The following STXBP5L variants were observed in gnomAD, a reference collection of about 807,000 sequenced individuals.
The protein encoded by STXBP5L is syntaxin binding protein 5L, also known as syntaxin-binding protein 5-like.
Under a neutral mutation model 144.5 loss-of-function variants are expected in STXBP5L, and 65 were observed. The ratio of observed to expected loss-of-function variants is 0.45; its 90% confidence interval spans 0.37 to 0.55. The LOEUF (loss-of-function observed/expected upper bound fraction) is 0.55, where lower values mean the gene tolerates loss of function less well. Ranked by LOEUF, STXBP5L falls within the 20% of genes least tolerant of loss-of-function variation. The probability of loss-of-function intolerance (pLI) is 0.00; values close to 1 mark genes in which losing one functional copy is unlikely to be tolerated. For synonymous variants in STXBP5L, 505 were observed against 469.6 expected, an observed-to-expected ratio of 1.08 and a Z score of -0.97; for missense variants, 1,298 against 1,405.5, an observed-to-expected ratio of 0.92 and a Z score of 1.22.
At chr3:121,410,603 A>G (rs1046694670) in intron 23 of STXBP5L, among the ~76,000 whole-genome samples, 3 of 151,972 alleles carry the variant, frequency 2.0e-5, no homozygotes, top group African/African-American at 7.2e-5. Flanking sequence ...TTTCTGATAG[A>G]TATCAGGTAG....
chr3:121,025,983 A>T (rs1214922155), intron 3 of STXBP5L, among the ~76,000 whole-genome samples: 1 of 146,424 alleles, frequency 6.8e-6, no homozygotes, highest in Non-Finnish European at 1.5e-5. Flanking sequence ...TGTTAATAAT[A>T]TATTAGTATT....
At chr3:121,330,893 TCA>T (rs1361524625) in intron 20 of STXBP5L, among the ~76,000 whole-genome samples, 2 of 152,196 alleles carry the variant, frequency 1.3e-5, no homozygotes, top group Non-Finnish European at 2.9e-5. Flanking sequence ...CCAAGGAATC[TCA>T]CAGAATCTAT....
intron 3 of STXBP5L, among the ~76,000 whole-genome samples, chr3:120,963,530 CAT>C (rs1360042319): frequency 3.9e-5 from 6 of 152,156 alleles, no homozygotes; most frequent in Admixed American, 1.3e-4. Context: ...TTGAGATAAT[CAT>C]GTGGTTTTTG....
chr3:121,217,402 A>C lies in STXBP5L; in HGVS notation c.957-5601A>C, dbSNP rs2048815919. Among the ~76,000 whole-genome samples, 3 of 152,234 alleles carry C rather than the reference A, an allele frequency of 2.0e-5. No homozygotes were observed. The South Asian group carries it at 6.2e-4, about 32-fold the overall frequency. ...GCCAGAATGCACTGTTCCTCACAGCACAGTCCCTCATGGCTTCCCTTGGCT... is the reference window on the plus strand; with the variant it reads ...GCCAGAATGCACTGTTCCTCACAGCCCAGTCCCTCATGGCTTCCCTTGGCT... On this transcript the variant is annotated intron_variant, in intron 10 of 26. Coordinates refer to ENST00000471454, the MANE Select transcript of STXBP5L (RefSeq NM_001308330.2).
At chr3:121,238,518 A>G (rs1403207476) in intron 12 of STXBP5L, among the ~76,000 whole-genome samples, 2 of 152,154 alleles carry the variant, frequency 1.3e-5, no homozygotes, top group African/African-American at 2.4e-5. Context: ...GGAGGGGACA[A>G]ACATCCAAAC....
At chr3:121,211,321 T>C (rs553021107) in intron 10 of STXBP5L, among the ~76,000 whole-genome samples, 26 of 152,306 alleles carry the variant, frequency 1.7e-4, no homozygotes, top group African/African-American at 6.3e-4. Context: ...CTTAAGGAGA[T>C]TTTGGGCTGA....
intron 19 of STXBP5L, among the ~76,000 whole-genome samples, chr3:121,280,329 A>C (rs556018213): frequency 1.4e-4 from 21 of 152,006 alleles, no homozygotes; most frequent in Admixed American, 7.2e-4. Flanking sequence ...CTTTCTTCTA[A>C]AATATCTGGT....
intron 9 of STXBP5L, among the ~76,000 whole-genome samples, chr3:121,192,307 C>G (rs2047728184): frequency 6.6e-6 from 1 of 152,048 alleles, no homozygotes; most frequent in Non-Finnish European, 1.5e-5. Context: ...AACCACTGCT[C>G]TAGGAAATAA....
chr3:120,946,157 G>C (rs1710846531), intron 2 of STXBP5L, among the ~76,000 whole-genome samples: 1 of 151,718 alleles, frequency 6.6e-6, no homozygotes, highest in South Asian at 2.1e-4. Context: ...TATGTATTAG[G>C]ATGCAAGTTA....
At chr3:120,931,776 A>G (rs1252682113) in intron 2 of STXBP5L, among the ~76,000 whole-genome samples, 4 of 152,190 alleles carry the variant, frequency 2.6e-5, no homozygotes, top group Non-Finnish European at 4.4e-5. Context: ...GTCAAACCAC[A>G]ATCTCTGCAA....
chr3:121,307,486 A>T (rs2043376996), intron 19 of STXBP5L, among the ~76,000 whole-genome samples: 1 of 152,224 alleles, frequency 6.6e-6, no homozygotes, highest in South Asian at 2.1e-4. Context: ...AGTTACAAAA[A>T]GAACCAAATG....
chr3:121,071,893 G>C (rs752300045), intron 5 of STXBP5L, among the ~76,000 whole-genome samples: 3 of 152,178 alleles, frequency 2.0e-5, no homozygotes, highest in Non-Finnish European at 4.4e-5. Context: ...AGTTACTTTA[G>C]TAGGGGTTTA....
intron 21 of STXBP5L, among the ~76,000 whole-genome samples, chr3:121,379,262 GTCAA>G (rs1435300789): frequency 1.3e-5 from 2 of 151,968 alleles, no homozygotes; most frequent in Admixed American, 6.6e-5. Flanking sequence ...TTCCTCAATT[GTCAA>G]ATGAATGTGA....
At chr3:121,005,128 A>T (rs1944168338) in intron 3 of STXBP5L, among the ~76,000 whole-genome samples, 1 of 152,188 alleles carries the variant, frequency 6.6e-6, no homozygotes, top group Non-Finnish European at 1.5e-5. Context: ...AAGGAATGTT[A>T]CCAGCTCCTC....
intron 3 of STXBP5L, among the ~76,000 whole-genome samples, chr3:121,009,161 TGA>T (rs1309390228): frequency 6.6e-6 from 1 of 152,012 alleles, no homozygotes; most frequent in Non-Finnish European, 1.5e-5. Flanking sequence ...AGACAATGGC[TGA>T]CTTATCTTCA....
intron 9 of STXBP5L, among the ~76,000 whole-genome samples, chr3:121,204,494 C>A (rs968710425): frequency 3.9e-5 from 6 of 152,062 alleles, no homozygotes; most frequent in African/African-American, 1.2e-4. Context: ...TAATTCCTTG[C>A]CCTTTAAACA....
At chr3:121,046,560 A>T (rs1947529524) in intron 5 of STXBP5L, among the ~76,000 whole-genome samples, 1 of 151,936 alleles carries the variant, frequency 6.6e-6, no homozygotes, top group African/African-American at 2.4e-5. Flanking sequence ...CTGTCCAGGG[A>T]TTCAATTTCT....
At chr3:121,148,695 A>G (rs73191415) in intron 7 of STXBP5L, among the ~76,000 whole-genome samples, 5,405 of 152,232 alleles carry the variant, frequency 0.036, 145 homozygotes, top group Middle Eastern at 0.082. Flanking sequence ...AGTGGTTGGT[A>G]TAACCACTTT....
intron 3 of STXBP5L, among the ~76,000 whole-genome samples, chr3:120,978,432 A>C (rs992011712): frequency 7.9e-5 from 12 of 152,130 alleles, no homozygotes; most frequent in Non-Finnish European, 1.8e-4. Context: ...TGGTTATTCT[A>C]GTTATACATT....
Sources: gnomAD v4.1 joint callset for allele counts (sites outside exome capture counted in the v4.1 genomes callset) on GRCh38, gnomAD v4.1.1 for gene constraint, MANE v1.5 for transcripts, NCBI Gene and HGNC (gene_info 2026-07-23, HGNC 2026-07-21) for gene names.